The following LRRC49 variants were observed in gnomAD, a reference collection of about 807,000 sequenced individuals.
The protein encoded by LRRC49 is leucine rich repeat containing 49.
LRRC49 carries 50 observed loss-of-function variants against 83.3 expected under a neutral mutation model. The ratio of observed to expected loss-of-function variants is 0.60; its 90% CI spans 0.48 to 0.76. The LOEUF (loss-of-function observed/expected upper bound fraction) is 0.76. LRRC49 is among the 30% of genes least tolerant of loss of function. The probability of loss-of-function intolerance (pLI) is 0.00; values close to 1 mark genes in which losing one functional copy is unlikely to be tolerated. For synonymous variants in LRRC49, 286 were observed against 283.3 expected (o/e 1.01, Z -0.10); for missense variants, 704 against 809.1 (o/e 0.87, Z 1.58).
At position 70,989,531 on chromosome 15, in the gene LRRC49, C is replaced by T. The variant is rs1277941461; in HGVS notation, c.1169+5274C>T. On this transcript the variant is annotated intron_variant, in intron 11 of 15. Transcript: ENST00000260382. ...GTATTGGTTATTCTAGTTATACATTCGTCTAAATTTTTTTCAGTTTTCAAC... is the reference window on the plus strand; with the variant it reads ...GTATTGGTTATTCTAGTTATACATTTGTCTAAATTTTTTTCAGTTTTCAAC... Among the ~76,000 whole-genome samples, 4 of 152,262 alleles carry T rather than the reference C, an allele frequency of 2.6e-5. No homozygotes were observed. In the East Asian group the frequency reaches 5.8e-4, roughly 22 times the overall value.
Position 70,892,939 on chromosome 15 carries a change from CA to C in LRRC49, c.47del (p.Asn16ThrfsTer2). 3.1e-6 allele frequency: 5 copies of C among 1,614,184 alleles called. No homozygotes were observed. Among genetic ancestry groups the C allele is most frequent in the Non-Finnish European group, 4.2e-6 (5 of 1,180,026 alleles). ...GCTCTGTTTCTGGCCGGGCTGCGAA[CA>C]ACGTAAGTTGGGCCTTCTACTTTCT... Reference protein sequence around the residue: ...YRSVSGRAANNVNCGLHLVIQ... With the variant: ...YRSVSGRAANXVNCGLHLVIQ... On this transcript the variant is annotated frameshift_variant and splice_region_variant, in exon 1 of 16. Coordinates refer to ENST00000260382, the MANE Select transcript of LRRC49 (RefSeq NM_017691.5). LOFTEE classifies it high-confidence loss of function.
At chr15:70,966,393 C>T (rs1372484374) in intron 9 of LRRC49, among the ~76,000 whole-genome samples, 2 of 152,020 alleles carry the variant, frequency 1.3e-5, no homozygotes, top group Non-Finnish European at 2.9e-5. Flanking sequence ...CATGACCTCA[C>T]ACTATATTTG....
chr15:70,854,968 C>T (rs1424577050), intron 1 of LRRC49, among the ~76,000 whole-genome samples: 3 of 152,140 alleles, frequency 2.0e-5, no homozygotes, highest in Non-Finnish European at 4.4e-5. Context: ...CACCTTTTCA[C>T]GTGTAACTTC....
At chr15:70,956,299 G>T (rs774765274) in intron 8 of LRRC49, among the ~76,000 whole-genome samples, 5 of 152,102 alleles carry the variant, frequency 3.3e-5, no homozygotes, top group Non-Finnish European at 7.4e-5. Flanking sequence ...AGTAGGGACA[G>T]ACTGTTTCTC....
At chr15:70,964,873 A>G (rs1030831025) in intron 9 of LRRC49, among the ~76,000 whole-genome samples, 38 of 152,108 alleles carry the variant, frequency 2.5e-4, no homozygotes, top group Admixed American at 2.5e-3. Flanking sequence ...CAACTGACCT[A>G]TTTCTTTGTA....
chr15:70,889,694 T>G (rs1174005297), upstream of LRRC49, among the ~76,000 whole-genome samples: 1 of 152,194 alleles, frequency 6.6e-6, no homozygotes, highest in African/African-American at 2.4e-5. Context: ...CCTAAAGATA[T>G]GTAACACTCA....
In LRRC49 at chr15:70,984,108, A is replaced by T. The variant is rs1413811642; in HGVS notation, c.1020A>T (p.Leu340Phe). The T allele has an allele frequency of 9.9e-6, 16 of 1,612,114 alleles. No individual in the cohort carries two copies. Among genetic ancestry groups the T allele is most frequent in the Non-Finnish European group, 1.4e-5 (16 of 1,179,258 alleles). Residue 340 changes from leucine to phenylalanine, a missense_variant, in exon 11 of 16, where the codon TTA becomes TTT. This residue lies in a region of LRRC49 where 168 missense variants were observed against 140.6 expected (regional missense o/e 1.20). Coordinates refer to ENST00000260382, the MANE Select transcript of LRRC49 (RefSeq NM_017691.5). ...KQSLLKEKKR[L>F]TINNVARQWD... ...CTTTTTCATAGGAGAAGAAAAGGTT[A>T]ACAATTAACAACGTAGCTCGACAGT...
At chr15:70,888,076 G>A (rs1222273418), upstream of LRRC49, among the ~76,000 whole-genome samples, 2 of 152,134 alleles carry the variant, frequency 1.3e-5, no homozygotes, top group African/African-American at 2.4e-5. Context: ...TCATGGATTA[G>A]AAGAGTCAAT....
upstream of LRRC49, chr15:70,892,675 C>G (rs1415596902): frequency 6.9e-7 from 1 of 1,449,904 alleles, no homozygotes; most frequent in African/African-American, 1.4e-5. Context: ...GAAAATAGAA[C>G]GAGGAAGTGG....
At chr15:71,020,357 CT>C (rs1321881486) in intron 14 of LRRC49, among the ~76,000 whole-genome samples, 3 of 152,140 alleles carry the variant, frequency 2.0e-5, no homozygotes, top group Non-Finnish European at 4.4e-5. Context: ...GGTTTAACAT[CT>C]GACTGAAGTT....
rs2039991298 is a variant in LRRC49, at chr15:71,051,276, G to T, written c.*1664G>T. Reference sequence around the variant, plus strand: ...ATGCATGTAAAGCATTTCTCATCATGCCTGGCACACAGCAAACACCCAATA... The same window carrying T: ...ATGCATGTAAAGCATTTCTCATCATTCCTGGCACACAGCAAACACCCAATA... On this transcript the variant is annotated 3_prime_UTR_variant, in exon 16 of 16. Coordinates refer to ENST00000260382, the MANE Select transcript of LRRC49 (RefSeq NM_017691.5). 1 of 152,262 alleles carries T rather than the reference G, an allele frequency of 6.6e-6. No homozygotes were observed. The highest frequency in any genetic ancestry group is 1.5e-5 in the Non-Finnish European group (1 of 68,102). The allele number at this position is 152,262 out of a possible 1,614,324, so 9.4% of individuals were successfully genotyped here.
At chr15:70,858,877 G>C in intron 1 of LRRC49, 1 of 759,430 alleles carries the variant, frequency 1.3e-6, no homozygotes, top group Non-Finnish European at 2.4e-6. Flanking sequence ...AGGCTGGGTG[G>C]TGGGGCCAGT....
chr15:70,940,982 G>A (rs2035794315), intron 8 of LRRC49, among the ~76,000 whole-genome samples: 1 of 152,102 alleles, frequency 6.6e-6, no homozygotes, highest in Admixed American at 6.5e-5. Flanking sequence ...ATGTAAGGAG[G>A]ACCCATAAAA....
intron 1 of LRRC49, among the ~76,000 whole-genome samples, chr15:70,855,051 CG>C (rs1286566753): frequency 1.3e-5 from 2 of 152,112 alleles, no homozygotes; most frequent in East Asian, 3.9e-4. Context: ...TGAATAAGAC[CG>C]GCCGGGCGCA....
rs142025519 is a variant in LRRC49, at chr15:70,876,040, T to C, written c.18+2817T>C. ...AATGGATAAGACAGGCTTAAGTGCA[T>C]GTTCTTGGTCTCTCCAGCTTCTCAT... On this transcript the variant is annotated intron_variant, in intron 2 of 16. Coordinates refer to the LRRC49 transcript ENST00000544974. 8.5e-3 allele frequency among the ~76,000 whole-genome samples: 1,301 copies of C among 152,320 alleles called. 14 individuals carry two copies. The highest frequency in any genetic ancestry group is 0.013 in the Non-Finnish European group (883 of 68,036).
intron 1 of LRRC49, among the ~76,000 whole-genome samples, chr15:70,857,884 A>T (rs2141066947): frequency 6.6e-6 from 1 of 152,236 alleles, no homozygotes; most frequent in Non-Finnish European, 1.5e-5. Flanking sequence ...TAGCTTCATA[A>T]CCTCTCTGCT....
chr15:70,966,517 T>G (rs1300529906), intron 9 of LRRC49, among the ~76,000 whole-genome samples: 1 of 152,196 alleles, frequency 6.6e-6, no homozygotes, highest in East Asian at 1.9e-4. Context: ...GTGTCCAATG[T>G]GATTCTCTGT....
At chr15:71,049,286 G>GT (rs1228818694) in intron 15 of LRRC49, 123 bp from the exon 16 acceptor site, 1 of 645,490 alleles carries the variant, frequency 1.5e-6, no homozygotes, top group Non-Finnish European at 2.7e-6. Flanking sequence ...GCTCTGAGGA[G>GT]TAGATGGGGG....
chr15:70,932,840 C>G (rs2035460435), intron 7 of LRRC49, among the ~76,000 whole-genome samples: 2 of 151,776 alleles, frequency 1.3e-5, no homozygotes, highest in South Asian at 4.2e-4. Context: ...AACAATTCTC[C>G]CGTCTCAGCC....
Sources: allele counts gnomAD v4.1 joint callset (sites outside exome capture counted in the v4.1 genomes callset), GRCh38; gene constraint gnomAD v4.1.1; regional missense constraint gnomAD v4.1.1; transcripts MANE v1.5; gene names NCBI Gene and HGNC (gene_info 2026-07-23, HGNC 2026-07-21).